The following RIMS1 variants were observed in gnomAD, a reference collection of about 807,000 sequenced individuals.
RIMS1 encodes the protein regulating synaptic membrane exocytosis 1.
A neutral mutation model predicts 214.1 loss-of-function variants in RIMS1; 83 were observed. The observed-to-expected ratio is 0.39, with a 90% CI of 0.32 to 0.47. The LOEUF (loss-of-function observed/expected upper bound fraction) is 0.47. Among genes scored for constraint, RIMS1 ranks in the 20% least tolerant of loss-of-function variants. The probability of loss-of-function intolerance (pLI) is 0.99; values close to 1 mark genes in which losing one functional copy is unlikely to be tolerated. For synonymous variants in RIMS1, 793 were observed against 786.8 expected (o/e 1.01, Z -0.13); for missense variants, 2,050 against 2,161.8 (o/e 0.95, Z 1.03).
At chr6:72,305,330 C>T (rs1236353838) in intron 26 of RIMS1, among the ~76,000 whole-genome samples, 1 of 152,012 alleles carries the variant, frequency 6.6e-6, no homozygotes, top group Non-Finnish European at 1.5e-5. Context: ...AAGCTGTGGG[C>T]TAATCAATGT....
At chr6:71,967,291 G>T (rs905803257) in intron 1 of RIMS1, among the ~76,000 whole-genome samples, 3 of 152,168 alleles carry the variant, frequency 2.0e-5, no homozygotes, top group Admixed American at 2.0e-4. Context: ...AGGAGGCTGA[G>T]GCAGGAGAAT....
intron 4 of RIMS1, among the ~76,000 whole-genome samples, chr6:72,124,529 G>C (rs562546283): frequency 6.6e-6 from 1 of 151,848 alleles, no homozygotes; most frequent in Admixed American, 6.6e-5. Flanking sequence ...GGCCAGCCTT[G>C]CTAGGTTGGG....
chr6:72,259,187 C>T (rs1414714424), intron 18 of RIMS1, 76 bp downstream of exon 18: 1 of 1,221,868 alleles, frequency 8.2e-7, no homozygotes, highest in African/African-American at 1.5e-5. Context: ...TGTGGCATAG[C>T]ACATTAGAGA....
chr6:72,073,523 T>A (rs947045797), intron 2 of RIMS1, among the ~76,000 whole-genome samples: 4 of 152,230 alleles, frequency 2.6e-5, no homozygotes, highest in African/African-American at 9.6e-5. Flanking sequence ...TCGCTCTTGA[T>A]AGATATCAGA....
intron 2 of RIMS1, among the ~76,000 whole-genome samples, chr6:72,026,577 T>C (rs1268689062): frequency 6.6e-6 from 1 of 150,974 alleles, no homozygotes; most frequent in African/African-American, 2.4e-5. Flanking sequence ...AAATAACATA[T>C]ATAGGAATAT....
chr6:71,921,202 C>T (rs1394912266), intron 1 of RIMS1, among the ~76,000 whole-genome samples: 1 of 152,126 alleles, frequency 6.6e-6, no homozygotes, highest in Non-Finnish European at 1.5e-5. Flanking sequence ...CTCACTGCAA[C>T]CTCTGCCTCC....
At chr6:71,935,051 G>A (rs1051275657) in intron 1 of RIMS1, among the ~76,000 whole-genome samples, 5 of 152,198 alleles carry the variant, frequency 3.3e-5, no homozygotes, top group African/African-American at 1.2e-4. Context: ...AGTAAGTGCA[G>A]TTTGAGTGGG....
rs1367723148 is a variant in RIMS1 at position 72,162,740 on chromosome 6, T to G, written c.472-16835T>G. 2.8e-5 allele frequency among the ~76,000 whole-genome samples: 4 copies of G among 140,684 alleles called. 1 individual carries two copies. Among genetic ancestry groups the G allele is most frequent in the Non-Finnish European group, 6.5e-5 (4 of 61,916 alleles). The allele number at this position is 140,684 out of a possible 152,430, so 92.3% of individuals were successfully genotyped here. A position where few individuals can be genotyped will look rare whatever the true frequency, so the allele number is the denominator to read the frequency against. On this transcript the variant is annotated intron_variant, in intron 4 of 33. Transcript: ENST00000521978. The stretch of plus-strand genomic sequence containing the variant: ...CCCCACTGTCTTCTGGCTTGTAGAG[T>G]TTCTTCCAAGAGATCAGCTGTTAGT...
At chr6:72,269,957 C>T (rs767294884) in intron 22 of RIMS1, among the ~76,000 whole-genome samples, 7 of 152,130 alleles carry the variant, frequency 4.6e-5, no homozygotes, top group East Asian at 1.9e-4. Context: ...CACCAACACA[C>T]GCACATACTT....
chr6:72,182,546 C>G lies in RIMS1; in HGVS notation c.1075C>G (p.Pro359Ala). ...EDYQTRYRSDPNLARYPVKPP... is the reference protein window; with the variant it reads ...EDYQTRYRSDANLARYPVKPP... The stretch of plus-strand genomic sequence containing the variant: ...TTATCAGACCAGGTACCGCAGCGAC[C>G]CGAACCTAGCTCGGTACCCGGTGAA... The change falls in exon 6 of 34, where the codon CCG becomes GCG. Residue 359 changes from proline (P) to alanine (A), a missense_variant. Physicochemically the swap from Pro to Ala is conservative, Grantham distance 27. Around this residue, in one of 6 missense-constraint regions of RIMS1, gnomAD observed 882 missense variants for 828.9 expected, o/e 1.06. Transcript: ENST00000521978. 1 of 1,555,890 alleles carries G rather than the reference C, an allele frequency of 6.4e-7. No homozygotes were observed. The highest frequency in any genetic ancestry group is 8.7e-7 in the Non-Finnish European group (1 of 1,150,608).
At chr6:72,005,903 A>G (rs1807378797) in intron 2 of RIMS1, among the ~76,000 whole-genome samples, 1 of 152,252 alleles carries the variant, frequency 6.6e-6, no homozygotes, top group Non-Finnish European at 1.5e-5. Flanking sequence ...AGTAAATGGA[A>G]AGACTGAAGT....
At chr6:72,016,539 C>T (rs1218923430) in intron 2 of RIMS1, among the ~76,000 whole-genome samples, 1 of 152,164 alleles carries the variant, frequency 6.6e-6, no homozygotes, top group African/African-American at 2.4e-5. Context: ...TTCTTTCCAT[C>T]TTATTCAGTA....
chr6:72,217,995 G>T (rs1212589994), intron 6 of RIMS1, among the ~76,000 whole-genome samples: 1 of 152,012 alleles, frequency 6.6e-6, no homozygotes, highest in Admixed American at 6.6e-5. Context: ...CATTTTTTCA[G>T]ATGCTCAAGA....
At chr6:72,052,069 T>C (rs752717719) in intron 2 of RIMS1, among the ~76,000 whole-genome samples, 7 of 152,230 alleles carry the variant, frequency 4.6e-5, no homozygotes, top group Non-Finnish European at 1.0e-4. Flanking sequence ...TAAAGCTATT[T>C]ATTGTAAAGA....
intron 1 of RIMS1, among the ~76,000 whole-genome samples, chr6:71,951,819 A>G (rs1040199330): frequency 2.6e-5 from 4 of 151,898 alleles, no homozygotes; most frequent in African/African-American, 7.3e-5. Flanking sequence ...GTTTACCTAA[A>G]GTTTTCTACT....
chr6:71,919,192 C>T (rs16879197), intron 1 of RIMS1, among the ~76,000 whole-genome samples: 3,110 of 151,946 alleles, frequency 0.02, 91 homozygotes, highest in African/African-American at 0.069. Context: ...TTATAAGTGC[C>T]CACTATGGTT....
chr6:72,379,732 C>T (rs956767810), intron 29 of RIMS1, among the ~76,000 whole-genome samples: 2 of 152,064 alleles, frequency 1.3e-5, no homozygotes, highest in African/African-American at 2.4e-5. Flanking sequence ...TATTTTGATT[C>T]CCCCATTTCA....
At chr6:72,066,813 CAAAT>C (rs1294132911) in intron 2 of RIMS1, among the ~76,000 whole-genome samples, 4 of 152,138 alleles carry the variant, frequency 2.6e-5, no homozygotes, top group Non-Finnish European at 4.4e-5. Flanking sequence ...TTTTCTCCCT[CAAAT>C]AAACTCCTCC....
intron 9 of RIMS1, 21 bp from the exon 10 acceptor site, chr6:72,242,293 A>G (rs1315920615): frequency 1.3e-6 from 2 of 1,519,932 alleles, no homozygotes; most frequent in Non-Finnish European, 1.8e-6. Context: ...GTAAAAAAAT[A>G]CCCTTTTTTT....
Sources: allele counts gnomAD v4.1 joint callset (sites outside exome capture counted in the v4.1 genomes callset), GRCh38; gene constraint gnomAD v4.1.1; regional missense constraint gnomAD v4.1.1; transcripts MANE v1.5; gene names NCBI Gene and HGNC (gene_info 2026-07-23, HGNC 2026-07-21).